The following HS6ST3 variants were observed in gnomAD, a reference collection of about 807,000 sequenced individuals.
The protein encoded by HS6ST3 is heparan sulfate 6-O-sulfotransferase 3.
Under a neutral mutation model 36.7 loss-of-function variants are expected in HS6ST3, and 12 were observed. The ratio of observed to expected loss-of-function variants is 0.33; its 90% CI spans 0.21 to 0.53. HS6ST3 has a LOEUF of 0.53. Ranked by LOEUF, HS6ST3 falls within the 20% of genes least tolerant of loss-of-function variation. The pLI is 0.95. For synonymous variants in HS6ST3, 240 were observed against 257.5 expected (o/e 0.93, Z 0.65); for missense variants, 584 against 640.9 (o/e 0.91, Z 0.96).
intron 1 of HS6ST3, among the ~76,000 whole-genome samples, chr13:96,800,010 A>ATG (rs1878028167): frequency 1.7e-4 from 22 of 128,682 alleles, no homozygotes; most frequent in East Asian, 6.3e-4. Flanking sequence ...ATATATATAT[A>ATG]TATGTATATA....
chr13:96,679,554 AC>A (rs1476192088), intron 1 of HS6ST3, among the ~76,000 whole-genome samples: 4 of 152,008 alleles, frequency 2.6e-5, no homozygotes, highest in Admixed American at 6.6e-5. Context: ...CATGCTTTAA[AC>A]CTCAGCCCGA....
intron 1 of HS6ST3, among the ~76,000 whole-genome samples, chr13:96,775,515 G>GA (rs201832131): frequency 0.15 from 16,160 of 108,344 alleles, 954 homozygotes; most frequent in East Asian, 0.3. Context: ...AGGCAAAAAA[G>GA]AAAAAAAAAA....
intron 1 of HS6ST3, among the ~76,000 whole-genome samples, chr13:96,166,499 A>T (rs1341971358): frequency 6.6e-6 from 1 of 151,824 alleles, no homozygotes; most frequent in Non-Finnish European, 1.5e-5. Context: ...TAGGAATTTA[A>T]TATAGTCTAT....
intron 1 of HS6ST3, among the ~76,000 whole-genome samples, chr13:96,263,143 T>C (rs1485671819): frequency 6.6e-6 from 1 of 152,234 alleles, no homozygotes; most frequent in Non-Finnish European, 1.5e-5. Context: ...TAAAACCTCA[T>C]GTGATGTGAA....
chr13:96,634,869 A>G (rs2056543722), intron 1 of HS6ST3, among the ~76,000 whole-genome samples: 1 of 30,946 alleles, frequency 3.2e-5, no homozygotes, highest in East Asian at 1.1e-3. Flanking sequence ...GATTGTTTCT[A>G]CTCCTACAAG....
intron 1 of HS6ST3, among the ~76,000 whole-genome samples, chr13:96,145,618 A>T (rs988067880): frequency 6.6e-6 from 1 of 151,972 alleles, no homozygotes; most frequent in Admixed American, 6.6e-5. Flanking sequence ...TTTCACTCTG[A>T]TGGTGGTTTC....
intron 1 of HS6ST3, among the ~76,000 whole-genome samples, chr13:96,342,209 C>A (rs971922472): frequency 4.6e-5 from 7 of 152,128 alleles, no homozygotes; most frequent in Non-Finnish European, 1.0e-4. Flanking sequence ...TATCTATGGG[C>A]AAATCATTCC....
intron 1 of HS6ST3, among the ~76,000 whole-genome samples, chr13:96,434,308 TATA>T (rs912304370): frequency 2.0e-5 from 3 of 152,194 alleles, no homozygotes; most frequent in African/African-American, 7.2e-5. Context: ...ATCTTGCTAC[TATA>T]ATATTAACCT....
At chr13:96,502,266 A>G (rs561985973) in intron 1 of HS6ST3, among the ~76,000 whole-genome samples, 3 of 151,716 alleles carry the variant, frequency 2.0e-5, no homozygotes, top group South Asian at 2.1e-4. Flanking sequence ...ATCAGTAAGT[A>G]TTAATTGACG....
chr13:96,213,222 G>A (rs568485373), intron 1 of HS6ST3, among the ~76,000 whole-genome samples: 4 of 152,270 alleles, frequency 2.6e-5, no homozygotes, highest in South Asian at 2.1e-4. Flanking sequence ...CCTTGTATAT[G>A]TAGTTTTCAT....
At chr13:96,675,911 C>T (rs530065827) in intron 1 of HS6ST3, among the ~76,000 whole-genome samples, 1 of 152,228 alleles carries the variant, frequency 6.6e-6, no homozygotes, top group East Asian at 1.9e-4. Context: ...GTGAGCCAGT[C>T]TGTTTGGGTA....
At chr13:96,136,515 G>A (rs907902718) in intron 1 of HS6ST3, among the ~76,000 whole-genome samples, 4 of 151,916 alleles carry the variant, frequency 2.6e-5, no homozygotes, top group African/African-American at 7.3e-5. Context: ...CAGTACCAAG[G>A]TTGGAGGGAT....
chr13:96,765,384 T>G (rs1877083207), intron 1 of HS6ST3, among the ~76,000 whole-genome samples: 1 of 152,220 alleles, frequency 6.6e-6, no homozygotes. Context: ...ACTTGCCATA[T>G]TTCAAGCACT....
intron 1 of HS6ST3, among the ~76,000 whole-genome samples, chr13:96,504,016 A>G (rs2056016104): frequency 6.6e-6 from 1 of 152,132 alleles, no homozygotes; most frequent in Non-Finnish European, 1.5e-5. Context: ...TTATAAGGAC[A>G]CTAATCCCAT....
intron 1 of HS6ST3, among the ~76,000 whole-genome samples, chr13:96,761,223 A>T (rs989062255): frequency 6.6e-6 from 1 of 151,590 alleles, no homozygotes; most frequent in African/African-American, 2.4e-5. Flanking sequence ...AGTGCTGGCA[A>T]TTTTTTTATC....
At chr13:96,119,870 T>C (rs1378818678) in intron 1 of HS6ST3, among the ~76,000 whole-genome samples, 1 of 127,092 alleles carries the variant, frequency 7.9e-6, no homozygotes, top group African/African-American at 2.9e-5. Flanking sequence ...GCATTAAATA[T>C]AATAGGAAAA....
intron 1 of HS6ST3, among the ~76,000 whole-genome samples, chr13:96,211,038 C>A (rs2054396618): frequency 6.6e-6 from 1 of 151,646 alleles, no homozygotes; most frequent in Non-Finnish European, 1.5e-5. Flanking sequence ...TCAATTGATT[C>A]TCCTGCCTCA....
intron 1 of HS6ST3, among the ~76,000 whole-genome samples, chr13:96,292,900 T>G (rs1324247781): frequency 6.6e-6 from 1 of 152,110 alleles, no homozygotes; most frequent in East Asian, 1.9e-4. Context: ...TGAACATGAA[T>G]TGCTGCTTTT....
chr13:96,382,339 A>G (rs1343183150), intron 1 of HS6ST3, among the ~76,000 whole-genome samples: 1 of 152,206 alleles, frequency 6.6e-6, no homozygotes, highest in Non-Finnish European at 1.5e-5. Flanking sequence ...CCTTTCTAAA[A>G]ACAATATGGC....
Sources: allele counts gnomAD v4.1 joint callset (sites outside exome capture counted in the v4.1 genomes callset), GRCh38; gene constraint gnomAD v4.1.1; transcripts MANE v1.5; gene names NCBI Gene and HGNC (gene_info 2026-07-23, HGNC 2026-07-21).